PCDHGB4: variants seen among roughly 807,000 people sequenced by gnomAD.
The protein encoded by PCDHGB4 is protocadherin gamma-B4.
A neutral mutation model predicts 60.5 loss-of-function variants in PCDHGB4; 38 were observed. The observed-to-expected ratio is 0.63, with a 90% confidence interval of 0.48 to 0.82. The LOEUF (loss-of-function observed/expected upper bound fraction) is 0.82, where lower values mean the gene tolerates loss of function less well. Among genes scored for constraint, PCDHGB4 ranks in the 40% least tolerant of loss-of-function variants. The pLI is 0.00. For synonymous variants in PCDHGB4, 456 were observed against 509.7 expected, an observed-to-expected ratio of 0.89 and a Z score of 1.42; for missense variants, 1,109 against 1,209.6, an observed-to-expected ratio of 0.92 and a Z score of 1.23.
intron 1 of PCDHGB4, chr5:141,413,663 A>T: frequency 6.2e-7 from 1 of 1,613,844 alleles, no homozygotes; most frequent in Non-Finnish European, 8.5e-7. Flanking sequence ...GAAGCTATTG[A>T]TCCGGATGTG....
At chr5:141,408,076 A>C in intron 1 of PCDHGB4, 1 of 1,399,800 alleles carries the variant, frequency 7.1e-7, no homozygotes. Flanking sequence ...GACCTTTCCC[A>C]GCACAGCGGA....
Position 141,421,845 on chromosome 5 carries a change from G to C in PCDHGB4, c.2397+31564G>C, listed in dbSNP as rs369443134. On this transcript the variant is annotated intron_variant, in intron 1 of 3. Transcript: ENST00000519479. ...AGGGAAGCCTGGACCGAGAGAAAGA[G>C]GCTGCTCACCTGCTCCTCCTCACAG... The C allele has an allele frequency of 1.1e-5, 18 of 1,613,638 alleles. No homozygotes were observed. The African/African-American group carries it at 2.1e-4, about 19-fold the overall frequency.
At chr5:141,419,630 G>T in intron 1 of PCDHGB4, 2 of 1,612,430 alleles carry the variant, frequency 1.2e-6, no homozygotes, top group African/African-American at 1.3e-5. Flanking sequence ...GGTGACCAAG[G>T]TGGTGGCCGT....
intron 1 of PCDHGB4, chr5:141,419,027 GTTCCAT>G: frequency 6.2e-7 from 1 of 1,613,870 alleles, no homozygotes; most frequent in Non-Finnish European, 8.5e-7. Context: ...AAGTAGAGGT[GTTCCAT>G]TTAAGATTCA....
At chr5:141,427,777 C>A in intron 1 of PCDHGB4, 1 of 1,432,382 alleles carries the variant, frequency 7.0e-7, no homozygotes, top group Non-Finnish European at 9.7e-7. Flanking sequence ...GAGCTGCGGG[C>A]ACTGTCGTCC....
Position 141,489,524 on chromosome 5 carries a change from T to TA in PCDHGB4, c.2398-5282dup. Reference sequence around the variant, plus strand: ...AATCAAAAGATTGACCGAGAAAGCCTATGTGGAGCCAGCACCAGCTGCCTG... The same window carrying TA: ...AATCAAAAGATTGACCGAGAAAGCCTAATGTGGAGCCAGCACCAGCTGCCTG... On this transcript the variant is annotated intron_variant, in intron 1 of 3. Transcript: ENST00000519479. This position sits in a 1 kb window ranked among gnomAD's most constrained non-coding sequence, Gnocchi z 4.5. 6.2e-7 allele frequency: 1 copy of TA among 1,614,076 alleles called. No homozygotes were observed. Among genetic ancestry groups the TA allele is most frequent in the Non-Finnish European group, 8.5e-7 (1 of 1,180,010 alleles).
At chr5:141,470,038 A>C (rs1256439782) in intron 1 of PCDHGB4, among the ~76,000 whole-genome samples, 1 of 152,204 alleles carries the variant, frequency 6.6e-6, no homozygotes, top group Non-Finnish European at 1.5e-5. Flanking sequence ...CTGAGGCGCG[A>C]GAACTGTTTG....
In PCDHGB4 at chr5:141,512,809, A is replaced by C. The variant is rs2099884438; in HGVS notation, c.*1636A>C. ...GTGTTTTGTGCTGTGTCCACGCGCT[A>C]AGGCGACCCCCTCCCCCGTACTGAC... On this transcript the variant is annotated 3_prime_UTR_variant, in exon 4 of 4. Coordinates refer to ENST00000519479, the MANE Select transcript of PCDHGB4 (RefSeq NM_003736.4). 6.6e-6 allele frequency: 1 copy of C among 152,130 alleles called. No homozygotes were observed. The highest frequency in any genetic ancestry group is 2.4e-5 in the African/African-American group (1 of 41,404). The allele number at this position is 152,130 out of a possible 1,614,324, so 9.4% of individuals were successfully genotyped here. A position where few individuals can be genotyped will look rare whatever the true frequency, so the allele number is the denominator to read the frequency against.
Position 141,466,657 on chromosome 5 carries a change from C to T in PCDHGB4, c.2398-28150C>T, listed in dbSNP as rs143657719. Among the ~76,000 whole-genome samples the T allele has an allele frequency of 1.4e-3, 211 of 152,280 alleles. 1 individual carries two copies. The highest frequency in any genetic ancestry group is 4.7e-3 in the African/African-American group (197 of 41,542). On this transcript the variant is annotated intron_variant, in intron 1 of 3. Transcript: ENST00000519479. ...TCTCCATAAACTTTTCACAAAACAT[C>T]AGTGATTTCACCGTTCTTCCACTCA...
chr5:141,422,433 T>C, intron 1 of PCDHGB4: 2 of 1,609,628 alleles, frequency 1.2e-6, no homozygotes. Context: ...ATGGAAATTA[T>C]TACAAATTGA....
At chr5:141,428,004 G>C in intron 1 of PCDHGB4, 1 of 1,601,732 alleles carries the variant, frequency 6.2e-7, no homozygotes, top group East Asian at 2.2e-5. Context: ...CGCACTCTTC[G>C]ATATAGTGCC....
chr5:141,441,162 G>A (rs1009205566), intron 1 of PCDHGB4: 48 of 152,166 alleles, frequency 3.2e-4, no homozygotes, highest in Admixed American at 1.5e-3. Flanking sequence ...TCCTAGAGGC[G>A]ATTTTTACTT....
At chr5:141,415,026 G>A in intron 1 of PCDHGB4, 1 of 1,613,590 alleles carries the variant, frequency 6.2e-7, no homozygotes, top group Non-Finnish European at 8.5e-7. Flanking sequence ...AGGCCAGCGA[G>A]CCGGGACTCT....
In PCDHGB4 at chr5:141,490,274, A is replaced by G. The variant is rs1285515971; in HGVS notation, c.2398-4533A>G. The G allele has an allele frequency of 6.2e-7, 1 of 1,614,228 alleles. No individual in the cohort carries two copies. Among genetic ancestry groups the G allele is most frequent in the Non-Finnish European group, 8.5e-7 (1 of 1,180,038 alleles). On this transcript the variant is annotated intron_variant, in intron 1 of 3. Transcript: ENST00000519479. This position sits in a 1 kb window ranked among gnomAD's most constrained non-coding sequence, Gnocchi z 5.4. ...CAAGTGGATGTGGGGGATGTCAATGACAATGCCCCAGAGGTGCTATTGGCC... is the reference window on the plus strand; with the variant it reads ...CAAGTGGATGTGGGGGATGTCAATGGCAATGCCCCAGAGGTGCTATTGGCC...
intron 1 of PCDHGB4, chr5:141,441,810 C>T (rs2098275091): frequency 6.4e-5 from 24 of 372,574 alleles, no homozygotes; most frequent in Middle Eastern, 7.2e-4. Flanking sequence ...GGTGCTGTAC[C>T]CCAGCTCTGG....
intron 1 of PCDHGB4, among the ~76,000 whole-genome samples, chr5:141,464,151 G>A (rs2099076865): frequency 6.6e-6 from 1 of 151,818 alleles, no homozygotes; most frequent in Non-Finnish European, 1.5e-5. Flanking sequence ...TGTAGTCCCA[G>A]CTACTTGGAA....
chr5:141,489,124 A>C lies in PCDHGB4; in HGVS notation c.2398-5683A>C. The C allele has an allele frequency of 3.6e-6, 2 of 556,652 alleles. No individual in the cohort carries two copies. Among genetic ancestry groups the C allele is most frequent in the South Asian group, 3.3e-5 (1 of 30,014 alleles). The allele number at this position is 556,652 out of a possible 1,614,324, so 34.5% of individuals were successfully genotyped here. On this transcript the variant is annotated intron_variant, in intron 1 of 3. Transcript: ENST00000519479. The surrounding 1 kb of genome is among the most constrained non-coding windows in gnomAD (Gnocchi z 4.5). ...GCTGCAAGCAGGCAAACCTCCGAGC[A>C]GTTTTTAAGAGGCTGGAAGGAGACA...
intron 1 of PCDHGB4, among the ~76,000 whole-genome samples, chr5:141,466,757 T>G (rs1486124876): frequency 6.6e-6 from 1 of 152,224 alleles, no homozygotes; most frequent in Non-Finnish European, 1.5e-5. Context: ...AGGGGCTCTT[T>G]TCAAACTGTT....
intron 1 of PCDHGB4, among the ~76,000 whole-genome samples, chr5:141,438,263 A>G (rs2097944986): frequency 6.6e-6 from 1 of 152,144 alleles, no homozygotes; most frequent in South Asian, 2.1e-4. Flanking sequence ...AAGAGACCAT[A>G]GAATCAAACA....
Sources: allele counts gnomAD v4.1 joint callset (sites outside exome capture counted in the v4.1 genomes callset), GRCh38; gene constraint gnomAD v4.1.1; non-coding constraint Gnocchi (gnomAD v3.1); transcripts MANE v1.5; gene names NCBI Gene and HGNC (gene_info 2026-07-23, HGNC 2026-07-21).